PIEZO2: variants seen among roughly 807,000 people sequenced by gnomAD.
PIEZO2 encodes piezo type mechanosensitive ion channel component 2.
In PIEZO2, 172 loss-of-function variants were observed where a neutral mutation model predicts 337.3. The observed-to-expected ratio is 0.51, with a 90% CI of 0.45 to 0.58. The LOEUF is 0.58. PIEZO2 is among the 20% of genes least tolerant of loss of function. PIEZO2 has a pLI of 0.00. For synonymous variants in PIEZO2, 1,251 were observed against 1,228.5 expected (o/e 1.02, Z -0.38); for missense variants, 3,028 against 3,391.3 (o/e 0.89, Z 2.66).
In PIEZO2 at chr18:10,746,713, A is replaced by C. The variant is rs936196438; in HGVS notation, c.4424+1758T>G. 2.0e-5 allele frequency among the ~76,000 whole-genome samples: 3 copies of C among 152,200 alleles called. No individual in the cohort carries two copies. Among genetic ancestry groups the C allele is most frequent in the Non-Finnish European group, 4.4e-5 (3 of 68,038 alleles). On this transcript the variant is annotated intron_variant, in intron 30 of 55. Coordinates refer to ENST00000674853, the MANE Select transcript of PIEZO2 (RefSeq NM_001378183.1). The surrounding 1 kb of genome is among the most constrained non-coding windows in gnomAD (Gnocchi z 4.2). ...TTACTATCTTTATAAAAGAAGCCCA[A>C]GGGGGGTCTCTTGCCCCTTCCACCA...
chr18:10,995,067 G>T (rs1294833288), intron 2 of PIEZO2, among the ~76,000 whole-genome samples: 1 of 36,666 alleles, frequency 2.7e-5, no homozygotes, highest in Non-Finnish European at 5.7e-5. Context: ...AACAGAGTGA[G>T]ACTCCGTCTC....
chr18:10,906,331 C>T (rs1399102476), intron 4 of PIEZO2, among the ~76,000 whole-genome samples: 1 of 151,994 alleles, frequency 6.6e-6, no homozygotes, highest in African/African-American at 2.4e-5. Context: ...CTGAGAATAT[C>T]GTCTTTGCTT....
At chr18:10,718,047 G>C (rs1173676441) in intron 37 of PIEZO2, among the ~76,000 whole-genome samples, 153 bp downstream of exon 37, 1 of 152,184 alleles carries the variant, frequency 6.6e-6, no homozygotes, top group Non-Finnish European at 1.5e-5. Context: ...CAATTTCAGT[G>C]GAGATGAGAT....
At chr18:10,737,117 G>T (rs983754522) in intron 33 of PIEZO2, among the ~76,000 whole-genome samples, 1 of 151,900 alleles carries the variant, frequency 6.6e-6, no homozygotes, top group Admixed American at 6.6e-5. Context: ...CCAAAGTGAG[G>T]TGGAGGATTA....
intron 21 of PIEZO2, among the ~76,000 whole-genome samples, chr18:10,768,370 T>C (rs2038454843): frequency 6.6e-6 from 1 of 152,174 alleles, no homozygotes; most frequent in Admixed American, 6.5e-5. Flanking sequence ...GTCTTTTGAT[T>C]GGATGTCATC....
At chr18:11,059,878 A>G (rs2037875613) in intron 2 of PIEZO2, among the ~76,000 whole-genome samples, 1 of 152,212 alleles carries the variant, frequency 6.6e-6, no homozygotes, top group African/African-American at 2.4e-5. Flanking sequence ...GATATCCAGG[A>G]ATTGAACTCA....
In PIEZO2 at chr18:10,954,684, T is replaced by G. The variant is rs573857293; in HGVS notation, c.286+24851A>C. Among the ~76,000 whole-genome samples the G allele has an allele frequency of 8.5e-5, 13 of 152,260 alleles. No homozygotes were observed. The highest frequency in any genetic ancestry group is 3.1e-4 in the African/African-American group (13 of 41,560). ...CTCGAAGTCCACTGCAGTCCACTTT[T>G]GGGACTGGTTGCCATGGTGATGGCT... On this transcript the variant is annotated intron_variant, in intron 3 of 55. Transcript: ENST00000674853. The surrounding 1 kb of genome is among the most constrained non-coding windows in gnomAD (Gnocchi z 4.2).
At chr18:10,739,458 G>A (rs1213870934) in intron 33 of PIEZO2, 2 of 152,106 alleles carry the variant, frequency 1.3e-5, no homozygotes, top group Non-Finnish European at 2.9e-5. Flanking sequence ...TTTTACATGA[G>A]GAAAGGAAAG....
intron 4 of PIEZO2, chr18:10,908,406 G>A (rs1034856221): frequency 6.6e-6 from 1 of 152,216 alleles, no homozygotes; most frequent in Non-Finnish European, 1.5e-5. Context: ...ACATAGTGAT[G>A]AAAAGATCGA....
At chr18:11,115,655 C>T (rs1475847426) in intron 1 of PIEZO2, among the ~76,000 whole-genome samples, 6 of 152,082 alleles carry the variant, frequency 3.9e-5, no homozygotes, top group African/African-American at 1.4e-4. Flanking sequence ...ACATATGTAA[C>T]CTTCAGAGTC....
At chr18:10,931,344 C>A (rs889982109) in intron 3 of PIEZO2, among the ~76,000 whole-genome samples, 12 of 152,218 alleles carry the variant, frequency 7.9e-5, no homozygotes, top group Non-Finnish European at 1.5e-4. Flanking sequence ...GGACTACAGG[C>A]GCCTGCCACC....
At position 10,724,372 on chromosome 18, in the gene PIEZO2, G is replaced by A. The variant is rs1474318883; in HGVS notation, c.5030-6113C>T. 3.3e-5 allele frequency among the ~76,000 whole-genome samples: 5 copies of A among 152,056 alleles called. No individual in the cohort carries two copies. The highest frequency in any genetic ancestry group is 9.7e-5 in the African/African-American group (4 of 41,386). ...AGACCCTGTCTCAAAAAACAAAAACGAAAACAAAAGTGCTTTCTCCTGGCC... is the reference window on the plus strand; with the variant it reads ...AGACCCTGTCTCAAAAAACAAAAACAAAAACAAAAGTGCTTTCTCCTGGCC... On this transcript the variant is annotated intron_variant, in intron 36 of 55. Coordinates refer to ENST00000674853, the MANE Select transcript of PIEZO2 (RefSeq NM_001378183.1). This position sits in a 1 kb window ranked among gnomAD's most constrained non-coding sequence, Gnocchi z 5.8.
At position 10,781,795 on chromosome 18, in the gene PIEZO2, G is replaced by A. The variant is rs751429835; in HGVS notation, c.2493-1429C>T. 5.9e-5 allele frequency among the ~76,000 whole-genome samples: 9 copies of A among 152,208 alleles called. No individual in the cohort carries two copies. Among genetic ancestry groups the A allele is most frequent in the Admixed American group, 1.3e-4 (2 of 15,296 alleles). ...AACAAGTGACACAACAGGAAAATAA[G>A]AGTTGCATATCTCCAGAGACAACAG... On this transcript the variant is annotated intron_variant, in intron 17 of 55. Transcript: ENST00000674853. This position sits in a 1 kb window ranked among gnomAD's most constrained non-coding sequence, Gnocchi z 4.1.
chr18:10,782,637 A>C (rs2039070408), intron 17 of PIEZO2, among the ~76,000 whole-genome samples: 1 of 150,092 alleles, frequency 6.7e-6, no homozygotes, highest in Non-Finnish European at 1.5e-5. Flanking sequence ...TTTACTTGGA[A>C]AATTCACCGT....
rs555805553 is a variant in PIEZO2 at position 11,083,058 on chromosome 18, T to C, written c.65-16836A>G. 8.3e-4 allele frequency among the ~76,000 whole-genome samples: 126 copies of C among 152,314 alleles called. No homozygotes were observed. The highest frequency in any genetic ancestry group is 2.9e-3 in the African/African-American group (119 of 41,576). On this transcript the variant is annotated intron_variant, in intron 1 of 55. Coordinates refer to ENST00000674853, the MANE Select transcript of PIEZO2 (RefSeq NM_001378183.1). This position sits in a 1 kb window ranked among gnomAD's most constrained non-coding sequence, Gnocchi z 4.4. ...GGATGTGGACATCACCTCTTGATTC[T>C]GCAGAGTTCACTTAGGCCGTTGCTT...
Position 10,837,067 on chromosome 18 carries a change from C to A in PIEZO2, c.917+18286G>T, listed in dbSNP as rs929950975. Among the ~76,000 whole-genome samples the A allele has an allele frequency of 6.6e-6, 1 of 152,164 alleles. No homozygotes were observed. Among genetic ancestry groups the A allele is most frequent in the African/African-American group, 2.4e-5 (1 of 41,438 alleles). On this transcript the variant is annotated intron_variant, in intron 7 of 55. Transcript: ENST00000674853. The surrounding 1 kb of genome is among the most constrained non-coding windows in gnomAD (Gnocchi z 4.4). ...TATAATCACTCTTACACACTCATAA[C>A]CTGTATGTTAGTTTCTTAGGCAAAG...
At chr18:10,848,974 T>C (rs916920683) in intron 7 of PIEZO2, among the ~76,000 whole-genome samples, 1 of 152,184 alleles carries the variant, frequency 6.6e-6, no homozygotes, top group African/African-American at 2.4e-5. Flanking sequence ...AAAGCCCTCT[T>C]TTTGTCAAGA....
Position 11,105,500 on chromosome 18 carries a change from G to A in PIEZO2, c.65-39278C>T, listed in dbSNP as rs527881130. Among the ~76,000 whole-genome samples, 5 of 152,050 alleles carry A rather than the reference G, an allele frequency of 3.3e-5. No individual in the cohort carries two copies. The highest frequency in any genetic ancestry group is 7.3e-5 in the Non-Finnish European group (5 of 68,032). ...ACCACGTGGTGAGAATCCCAGCACAGCTTATCTCATTCTCTCCTGCTTGTT... is the reference window on the plus strand; with the variant it reads ...ACCACGTGGTGAGAATCCCAGCACAACTTATCTCATTCTCTCCTGCTTGTT... On this transcript the variant is annotated intron_variant, in intron 1 of 55. Transcript: ENST00000674853. The surrounding 1 kb of genome is among the most constrained non-coding windows in gnomAD (Gnocchi z 4.3).
At chr18:10,991,345 A>G (rs1027671038) in intron 2 of PIEZO2, among the ~76,000 whole-genome samples, 3 of 151,774 alleles carry the variant, frequency 2.0e-5, no homozygotes, top group Non-Finnish European at 4.4e-5. Context: ...CCTGTCACCT[A>G]CATTAGGTAT....
Sources: gnomAD v4.1 joint callset for allele counts (sites outside exome capture counted in the v4.1 genomes callset) on GRCh38, gnomAD v4.1.1 for gene constraint, Gnocchi (gnomAD v3.1) non-coding constraint, MANE v1.5 for transcripts, NCBI Gene and HGNC (gene_info 2026-07-23, HGNC 2026-07-21) for gene names.